The following SPDYE10 variants were observed in gnomAD, a reference collection of about 807,000 sequenced individuals.
The protein encoded by SPDYE10 is speedy protein E10.
the SPDYE10 span, among the ~76,000 whole-genome samples, chr7:73,123,713 T>C: frequency 6.6e-6 from 1 of 150,790 alleles, no homozygotes; most frequent in Non-Finnish European, 1.5e-5. Context: ...CCACCTCAGC[T>C]TCCCAAAGTG....
chr7:73,138,378 C>CT, the SPDYE10 span, among the ~76,000 whole-genome samples: 50 of 140,892 alleles, frequency 3.5e-4, no homozygotes, highest in African/African-American at 1.0e-3. Context: ...GTGCTGTTTG[C>CT]TTTTTTTTTT....
the SPDYE10 span, among the ~76,000 whole-genome samples, chr7:73,137,560 AAGAAG>A: frequency 6.7e-5 from 10 of 150,094 alleles, no homozygotes; most frequent in South Asian, 2.1e-3. Flanking sequence ...AAGAGAAAGA[AAGAAG>A]AGATGAAAGA....
the SPDYE10 span, among the ~76,000 whole-genome samples, chr7:73,123,788 C>CCCTCTCTCTCTCT: frequency 1.3e-4 from 13 of 97,448 alleles, no homozygotes; most frequent in East Asian, 9.7e-4. Flanking sequence ...TCTCTCTCTC[C>CCCTCTCTCTCTCT]CTCTCTCTCT....
the SPDYE10 span, among the ~76,000 whole-genome samples, chr7:73,137,520 A>G: frequency 2.0e-5 from 3 of 151,394 alleles, no homozygotes; most frequent in Admixed American, 2.0e-4. Flanking sequence ...AGACTCCAAA[A>G]AAAAAAGGAA....
chr7:73,141,155 G>C, the SPDYE10 span, among the ~76,000 whole-genome samples: 1 of 151,990 alleles, frequency 6.6e-6, no homozygotes, highest in African/African-American at 2.4e-5. Context: ...AACTGCATCA[G>C]TTATGGGTCT....
chr7:73,152,015 T>C, the SPDYE10 span, among the ~76,000 whole-genome samples: 5 of 151,222 alleles, frequency 3.3e-5, no homozygotes. Context: ...TTTTGTTTTT[T>C]GTGTTTTTTT....
At chr7:73,130,224 TGG>T in the SPDYE10 span, among the ~76,000 whole-genome samples, 16 of 149,648 alleles carry the variant, frequency 1.1e-4, no homozygotes, top group Non-Finnish European at 2.1e-4. Context: ...GACCCTGAGG[TGG>T]GCAGATTGCT....
chr7:73,142,441 C>A, the SPDYE10 span, among the ~76,000 whole-genome samples: 3 of 151,190 alleles, frequency 2.0e-5, no homozygotes, highest in Non-Finnish European at 4.4e-5. Flanking sequence ...TCTCAAACTC[C>A]TGGCCTCGAG....
the SPDYE10 span, among the ~76,000 whole-genome samples, chr7:73,128,137 G>A: frequency 6.6e-6 from 1 of 152,228 alleles, no homozygotes; most frequent in South Asian, 2.1e-4. Flanking sequence ...TTAAAATAAA[G>A]AAAGAAAAGC....
At chr7:73,128,070 C>T in the SPDYE10 span, among the ~76,000 whole-genome samples, 1 of 151,548 alleles carries the variant, frequency 6.6e-6, no homozygotes, top group Non-Finnish European at 1.5e-5. Flanking sequence ...AGTAAATGTT[C>T]ACCAACAGGA....
At chr7:73,149,021 C>A in the SPDYE10 span, among the ~76,000 whole-genome samples, 2 of 151,506 alleles carry the variant, frequency 1.3e-5, no homozygotes, top group Admixed American at 1.3e-4. Context: ...CACTCTGTCA[C>A]CCAGGCTGGA....
At chr7:73,145,022 A>G in the SPDYE10 span, among the ~76,000 whole-genome samples, 1 of 103,138 alleles carries the variant, frequency 9.7e-6, no homozygotes. Context: ...AAAAAAAAAA[A>G]AGAAGAATTA....
the SPDYE10 span, chr7:73,105,073 T>TA: frequency 4.8e-6 from 1 of 208,320 alleles, no homozygotes; most frequent in Non-Finnish European, 8.6e-6. Flanking sequence ...AGCTATCTGT[T>TA]ACAGTCTGTG....
At chr7:73,122,511 G>A in the SPDYE10 span, among the ~76,000 whole-genome samples, 1 of 151,968 alleles carries the variant, frequency 6.6e-6, no homozygotes, top group South Asian at 2.1e-4. Flanking sequence ...TTGAACCTGG[G>A]AGGCACAGGT....
the SPDYE10 span, among the ~76,000 whole-genome samples, chr7:73,134,561 G>GAAAGAAAGAAAGAAAGA: frequency 1.3e-5 from 2 of 152,068 alleles, no homozygotes; most frequent in Admixed American, 1.3e-4. Context: ...AAGAAAGAAA[G>GAAAGAAAGAAAGAAAGA]AAAGAAACCG....
the SPDYE10 span, among the ~76,000 whole-genome samples, chr7:73,130,236 T>C: frequency 6.6e-6 from 1 of 150,850 alleles, no homozygotes; most frequent in African/African-American, 2.5e-5. Flanking sequence ...GGCAGATTGC[T>C]TGAGCCCAAG....
the SPDYE10 span, among the ~76,000 whole-genome samples, chr7:73,114,881 A>G: frequency 2.1e-5 from 3 of 144,090 alleles, no homozygotes; most frequent in Non-Finnish European, 4.5e-5. Context: ...GAACAGAGTC[A>G]GCTCCACAGC....
the SPDYE10 span, among the ~76,000 whole-genome samples, chr7:73,135,858 C>T: frequency 8.7e-6 from 1 of 115,128 alleles, no homozygotes; most frequent in Non-Finnish European, 1.8e-5. Context: ...CATGAGCCAC[C>T]ACCGCACCCG....
chr7:73,127,638 TAAA>T, the SPDYE10 span, among the ~76,000 whole-genome samples: 5 of 64,344 alleles, frequency 7.8e-5, no homozygotes, highest in Non-Finnish European at 1.7e-4. Flanking sequence ...GGAAGACAAT[TAAA>T]AAAAAAAAAA....
Sources: allele counts gnomAD v4.1 joint callset (sites outside exome capture counted in the v4.1 genomes callset), GRCh38; gene constraint gnomAD v4.1.1; transcripts MANE v1.5; gene names NCBI Gene and HGNC (gene_info 2026-07-23, HGNC 2026-07-21).